The following SLCO1B3 variants were observed in gnomAD, a reference collection of about 807,000 sequenced individuals.
SLCO1B3 encodes the protein liver-specific organic anion transporter 2.
In SLCO1B3, 72 loss-of-function variants were observed where a neutral mutation model predicts 71.8. The ratio of observed to expected loss-of-function variants is 1.00; its 90% confidence interval spans 0.83 to 1.22. SLCO1B3 has a LOEUF of 1.22. SLCO1B3 is among the 50% of genes most tolerant of loss of function. The probability of loss-of-function intolerance (pLI) is 0.00; values close to 1 mark genes in which losing one functional copy is unlikely to be tolerated. For synonymous variants in SLCO1B3, 298 were observed against 278.4 expected (o/e 1.07, Z -0.70); for missense variants, 911 against 819.7 (o/e 1.11, Z -1.36).
rs751785190 is a variant in SLCO1B3, at chr12:20,883,518, A to G, written c.1598A>G (p.Lys533Arg). The G allele has an allele frequency of 5.9e-5, 94 of 1,604,856 alleles. No individual in the cohort carries two copies. The highest frequency in any genetic ancestry group is 7.2e-5 in the Non-Finnish European group (85 of 1,176,422). The change falls in exon 13 of 16, where the codon AAA (lysine) becomes AGA (arginine). Residue 533 changes from lysine (K) to arginine (R), a missense_variant. Lys to Arg is a conservative substitution (Grantham distance 26, BLOSUM62 2). Transcript: ENST00000381545. ...ECPRDNTCTR[K>R]FFIYVAIQVI... is the part of the protein sequence containing the mutation. Reference sequence around the variant, plus strand: ...CCAAGAGATAATACTTGTACAAGGAAATTTTTCATCTATGTTGCAATTCAA... The same window carrying G: ...CCAAGAGATAATACTTGTACAAGGAGATTTTTCATCTATGTTGCAATTCAA...
chr12:20,822,161 C>T (rs544397164), intron 3 of SLCO1B3, among the ~76,000 whole-genome samples: 7 of 152,254 alleles, frequency 4.6e-5, no homozygotes, highest in African/African-American at 1.7e-4. Context: ...AGGGAGGTCC[C>T]CCGATCCAAG....
At chr12:20,867,742 A>G (rs1472524431) in intron 8 of SLCO1B3, among the ~76,000 whole-genome samples, 1 of 152,198 alleles carries the variant, frequency 6.6e-6, no homozygotes, top group Non-Finnish European at 1.5e-5. Context: ...TCATATAGAA[A>G]CATTTTCAGA....
intron 3 of SLCO1B3, among the ~76,000 whole-genome samples, chr12:20,825,165 G>A (rs1864394570): frequency 6.6e-6 from 1 of 151,850 alleles, no homozygotes; most frequent in African/African-American, 2.4e-5. Flanking sequence ...TTAAAAAGTG[G>A]GTTAATGCTA....
At chr12:20,832,892 C>A (rs749093211) in intron 3 of SLCO1B3, among the ~76,000 whole-genome samples, 1 of 152,108 alleles carries the variant, frequency 6.6e-6, no homozygotes, top group Non-Finnish European at 1.5e-5. Flanking sequence ...CCAAAACGCA[C>A]CTGTGTAGAA....
At chr12:20,827,707 GACTGCAGGCACATGCC>G (rs1864454199) in intron 3 of SLCO1B3, among the ~76,000 whole-genome samples, 1 of 152,108 alleles carries the variant, frequency 6.6e-6, no homozygotes, top group African/African-American at 2.4e-5. Flanking sequence ...GAGTAGCTGG[GACTGCAGGCACATGCC>G]ACCATGCCAA....
chr12:20,886,209 G>A (rs749769092), intron 13 of SLCO1B3, among the ~76,000 whole-genome samples: 1 of 152,012 alleles, frequency 6.6e-6, no homozygotes, highest in Non-Finnish European at 1.5e-5. Context: ...GTAGTTTGGA[G>A]GAAGTAGAAA....
Position 20,916,262 on chromosome 12 carries a change from A to G in SLCO1B3, c.*15A>G. ...CTGCCAACTAACATTGCATTGATTC[A>G]TTAAGATGTTATTTTTGAGGTGTTC... is the stretch of plus-strand genomic sequence containing the variant. On this transcript the variant is annotated 3_prime_UTR_variant, in exon 16 of 16. Coordinates refer to ENST00000381545, the MANE Select transcript of SLCO1B3 (RefSeq NM_019844.4). The G allele has an allele frequency of 6.2e-7, 1 of 1,605,948 alleles. No individual in the cohort carries two copies. Among genetic ancestry groups the G allele is most frequent in the South Asian group, 1.1e-5 (1 of 90,502 alleles).
chr12:20,862,540 C>G lies in SLCO1B3; in HGVS notation c.610C>G (p.His204Asp). ...CATTGATGATTTTGCAAAAGAAGGACATTCTTCCTTGTATTTAGGTAACGT... is the reference window on the plus strand; with the variant it reads ...CATTGATGATTTTGCAAAAGAAGGAGATTCTTCCTTGTATTTAGGTAACGT... ...SYIDDFAKEG[H>D]SSLYLGSLNA... is the part of the protein sequence containing the mutation. The change falls in exon 7 of 16, where the codon CAT becomes GAT. Residue 204 changes from histidine to aspartate, a missense_variant. Coordinates refer to ENST00000381545, the MANE Select transcript of SLCO1B3 (RefSeq NM_019844.4). The G allele has an allele frequency of 6.2e-7, 1 of 1,610,256 alleles. No individual in the cohort carries two copies. Among genetic ancestry groups the G allele is most frequent in the Admixed American group, 1.7e-5 (1 of 59,556 alleles).
chr12:20,898,573 T>A, intron 14 of SLCO1B3, 73 bp downstream of exon 14: 1 of 699,162 alleles, frequency 1.4e-6, no homozygotes, highest in Non-Finnish European at 2.4e-6. Flanking sequence ...TGAATGCAAT[T>A]AATTTTCAAC....
At chr12:20,823,190 G>C (rs369460752) in intron 3 of SLCO1B3, among the ~76,000 whole-genome samples, 71 of 152,120 alleles carry the variant, frequency 4.7e-4, no homozygotes, top group Non-Finnish European at 7.1e-4. Flanking sequence ...AAAATGTTTC[G>C]TGTGTATAAA....
intron 15 of SLCO1B3, among the ~76,000 whole-genome samples, chr12:20,914,874 A>G (rs898192330): frequency 6.6e-6 from 1 of 152,070 alleles, no homozygotes; most frequent in African/African-American, 2.4e-5. Context: ...GAGAAGGCTG[A>G]TGTAATCTTT....
intron 9 of SLCO1B3, among the ~76,000 whole-genome samples, chr12:20,876,337 T>C (rs1865578086): frequency 6.6e-6 from 1 of 152,142 alleles, no homozygotes; most frequent in Non-Finnish European, 1.5e-5. Context: ...ACAGCAGTTT[T>C]CAGATTAGGG....
At chr12:20,903,275 G>A (rs1565608258) in intron 15 of SLCO1B3, among the ~76,000 whole-genome samples, 1 of 152,012 alleles carries the variant, frequency 6.6e-6, no homozygotes, top group African/African-American at 2.4e-5. Context: ...TTGGAGACAT[G>A]TCCACAAAAA....
chr12:20,882,751 G>T (rs1865717286), intron 12 of SLCO1B3, among the ~76,000 whole-genome samples: 1 of 152,018 alleles, frequency 6.6e-6, no homozygotes, highest in African/African-American at 2.4e-5. Flanking sequence ...AGCAGTAGTA[G>T]GTTCAAGATG....
At chr12:20,846,883 T>C (rs1464683265) in intron 3 of SLCO1B3, among the ~76,000 whole-genome samples, 3 of 152,234 alleles carry the variant, frequency 2.0e-5, no homozygotes, top group East Asian at 1.9e-4. Context: ...TGCAGGTAGA[T>C]AGAGACTTTA....
rs370720878 is a variant in SLCO1B3 at position 20,861,910 on chromosome 12, A to G, written c.482-502A>G. Among the ~76,000 whole-genome samples the G allele has an allele frequency of 8.1e-4, 123 of 151,454 alleles. 2 individuals are homozygous for G. In the South Asian group the frequency reaches 0.025, roughly 31 times the overall value. On this transcript the variant is annotated intron_variant, in intron 6 of 15. Coordinates refer to ENST00000381545, the MANE Select transcript of SLCO1B3 (RefSeq NM_019844.4). ...GTAATGTTCACAAGGACATTTCATA[A>G]TCACAGCCATGACATCCATGTTTAA...
At chr12:20,893,242 CAAG>C (rs1418934792) in intron 13 of SLCO1B3, among the ~76,000 whole-genome samples, 2 of 151,992 alleles carry the variant, frequency 1.3e-5, no homozygotes, top group Non-Finnish European at 2.9e-5. Flanking sequence ...GAAAAGAGGT[CAAG>C]AAACTGAAAG....
In SLCO1B3 at chr12:20,877,836, A is replaced by G. The variant is rs776575555; in HGVS notation, c.1035A>G (p.Thr345=). ...NPLYVIFLLL[T]LLQVSSFIGS... is the part of the protein sequence containing the mutation. Reference sequence around the variant, plus strand: ...TGTATGTTATATTTCTGCTTTTGACATTGTTACAAGTAAGCAGCTTTATTG... The same window carrying G: ...TGTATGTTATATTTCTGCTTTTGACGTTGTTACAAGTAAGCAGCTTTATTG... The change falls in exon 10 of 16, where the codon ACA becomes ACG. Residue 345 remains threonine (T), a synonymous_variant. Transcript: ENST00000381545. 2 of 1,579,628 alleles carry G rather than the reference A, an allele frequency of 1.3e-6. No homozygotes were observed. Among genetic ancestry groups the G allele is most frequent in the Non-Finnish European group, 1.7e-6 (2 of 1,164,114 alleles).
chr12:20,814,976 C>CTTTTTTTTTTTT (rs1297703814), intron 2 of SLCO1B3, among the ~76,000 whole-genome samples: 9 of 117,096 alleles, frequency 7.7e-5, no homozygotes, highest in Non-Finnish European at 1.1e-4. Context: ...CTTTTCTTTT[C>CTTTTTTTTTTTT]TTTTCTTTTT....
Sources: gnomAD v4.1 joint callset for allele counts (sites outside exome capture counted in the v4.1 genomes callset) on GRCh38, gnomAD v4.1.1 for gene constraint, MANE v1.5 for transcripts, NCBI Gene and HGNC (gene_info 2026-07-23, HGNC 2026-07-21) for gene names.